NFASC: variants seen among roughly 807,000 people sequenced by gnomAD.
NFASC encodes the protein neurofascin, also known as neurofascin homolog.
In NFASC, 43 loss-of-function variants were observed where a neutral mutation model predicts 147.5. The observed-to-expected ratio is 0.29, with a 90% CI of 0.23 to 0.38. The LOEUF (loss-of-function observed/expected upper bound fraction) is 0.38. Among genes scored for constraint, NFASC ranks in the 10% least tolerant of loss-of-function variants. NFASC has a pLI of 1.00. For missense variants in NFASC, 1,320 were observed against 1,689.0 expected (o/e 0.78, Z 3.83); for synonymous variants, 622 against 665.5 (o/e 0.93, Z 1.01).
chr1:204,915,972 C>T (rs1431682096), intron 1 of NFASC, among the ~76,000 whole-genome samples: 1 of 152,178 alleles, frequency 6.6e-6, no homozygotes, highest in Admixed American at 6.5e-5. Flanking sequence ...GTTAGCAACC[C>T]CAGACACTCC....
At position 205,009,575 on chromosome 1, in the gene NFASC, C is replaced by T. The variant is rs151292398; in HGVS notation, c.3308C>T (p.Ala1103Val). ...MTSTAYTNNQ[A>V]DIATQGWFIG... ...CCGCCAGCTTACACCAACAACCAAG[C>T]GGACATCGCCACCCAGGGCTGGTTC... Residue 1103 changes from alanine to valine, a missense_variant, in exon 28 of 30, where the codon GCG becomes GTG. Transcript: ENST00000339876. 192 of 1,614,126 alleles carry T rather than the reference C, an allele frequency of 1.2e-4. No homozygotes were observed. In the African/African-American group the frequency reaches 1.3e-3, roughly 11 times the overall value.
chr1:204,950,394 C>T (rs1480878988), intron 3 of NFASC, among the ~76,000 whole-genome samples, 163 bp from the exon 4 acceptor site: 1 of 152,220 alleles, frequency 6.6e-6, no homozygotes, highest in African/African-American at 2.4e-5. Flanking sequence ...GGTTCTTGCA[C>T]TGGGCTTTGC....
chr1:204,967,115 C>G (rs889592718), intron 8 of NFASC, among the ~76,000 whole-genome samples: 1 of 152,216 alleles, frequency 6.6e-6, no homozygotes, highest in Non-Finnish European at 1.5e-5. Flanking sequence ...GCAGCTCTGC[C>G]TCCCCTCCAC....
intron 8 of NFASC, among the ~76,000 whole-genome samples, chr1:204,958,255 C>T (rs2094513419): frequency 6.6e-6 from 1 of 152,174 alleles, no homozygotes; most frequent in Non-Finnish European, 1.5e-5. Flanking sequence ...TATTTCTTCT[C>T]ATTGCTTGGT....
intron 8 of NFASC, among the ~76,000 whole-genome samples, chr1:204,959,932 G>A (rs1183090659): frequency 3.3e-5 from 5 of 152,156 alleles, no homozygotes; most frequent in South Asian, 2.1e-4. Context: ...TCCGAATGGC[G>A]AGAGACCCCC....
At chr1:204,855,371 G>A (rs2076063911) in intron 1 of NFASC, among the ~76,000 whole-genome samples, 1 of 152,172 alleles carries the variant, frequency 6.6e-6, no homozygotes, top group South Asian at 2.1e-4. Flanking sequence ...GGAGTCATTG[G>A]GGAAGGCTTT....
intron 2 of NFASC, among the ~76,000 whole-genome samples, chr1:204,926,402 ATATATTTTTTTTTTTT>A (rs1174731588): frequency 9.3e-5 from 1 of 10,730 alleles, no homozygotes; most frequent in Non-Finnish European, 3.5e-4. Flanking sequence ...ATATATATAT[ATATATTTTTTTTTTTT>A]TTTTTTTTTT....
At chr1:204,833,213 A>G (rs1342481023) in intron 1 of NFASC, among the ~76,000 whole-genome samples, 4 of 152,250 alleles carry the variant, frequency 2.6e-5, no homozygotes, top group Non-Finnish European at 5.9e-5. Context: ...AGTTCTTTCT[A>G]TGTGCTAGGC....
At chr1:204,922,433 C>T (rs1477938894) in intron 2 of NFASC, among the ~76,000 whole-genome samples, 2 of 152,168 alleles carry the variant, frequency 1.3e-5, no homozygotes, top group Non-Finnish European at 1.5e-5. Flanking sequence ...GTCTAACCAG[C>T]AAAATCGAAT....
At chr1:204,959,436 A>G (rs1176152300) in intron 8 of NFASC, among the ~76,000 whole-genome samples, 1 of 152,196 alleles carries the variant, frequency 6.6e-6, no homozygotes, top group African/African-American at 2.4e-5. Context: ...CTCAGTCCAC[A>G]TCAGGGTGAC....
At chr1:204,840,810 G>A (rs1415728972) in intron 1 of NFASC, among the ~76,000 whole-genome samples, 1 of 152,252 alleles carries the variant, frequency 6.6e-6, no homozygotes, top group Non-Finnish European at 1.5e-5. Flanking sequence ...GATTATTCCA[G>A]TGGTGGGGAG....
chr1:204,897,578 C>CT (rs764139649), intron 1 of NFASC, among the ~76,000 whole-genome samples: 1,696 of 143,538 alleles, frequency 0.012, 28 homozygotes, highest in African/African-American at 0.036. Flanking sequence ...TTTCTTTTTC[C>CT]TTTTTTTTTT....
In NFASC at chr1:204,997,352, A is replaced by G. The variant is rs1339129998; in HGVS notation, c.2965A>G (p.Thr989Ala). Residue 989 changes from threonine to alanine, a missense_variant, in exon 25 of 30, where the codon ACC (threonine) becomes GCC (alanine). Thr to Ala is a moderately conservative substitution (Grantham distance 58, BLOSUM62 0). Coordinates refer to ENST00000339876, the MANE Select transcript of NFASC (RefSeq NM_001005388.3). ...TACTACAACCACTGCTGCCGCCACC[A>G]CCACCACGGAGAGTCCTCCCACCAC... is the stretch of plus-strand genomic sequence containing the variant. ...TTTTTTAAAT[T>A]TTESPPTTTS... 1.3e-6 allele frequency: 2 copies of G among 1,557,260 alleles called. No individual in the cohort carries two copies. The highest frequency in any genetic ancestry group is 1.7e-6 in the Non-Finnish European group (2 of 1,150,404).
rs529984237 is a variant in NFASC at position 204,987,375 on chromosome 1, C to T, written c.2471-43C>T. ...TTTTGTGTTTTCCTCATCCTCCCTG[C>T]CCCCTCCCCCTCATCTCCCCTGCTC... On this transcript the variant is annotated intron_variant, in intron 21 of 29. Transcript: ENST00000339876. The surrounding 1 kb of genome is among the most constrained non-coding windows in gnomAD (Gnocchi z 4.4). The T allele has an allele frequency of 5.8e-6, 9 of 1,558,016 alleles. No homozygotes were observed. Among genetic ancestry groups the T allele is most frequent in the South Asian group, 5.6e-5 (5 of 88,954 alleles).
chr1:204,849,142 T>C (rs937839215), intron 1 of NFASC, among the ~76,000 whole-genome samples: 9 of 152,212 alleles, frequency 5.9e-5, no homozygotes, highest in African/African-American at 1.7e-4. Flanking sequence ...GTGGGAGCCC[T>C]GAATGGGAAG....
chr1:204,994,212 C>A lies in NFASC; in HGVS notation c.2782+2906C>A, dbSNP rs143434031. ...TCATCTCTTGCTCCCTCTTACTAAG[C>A]CTGAGCCAGACAGGAAGCAGCTAGG... On this transcript the variant is annotated intron_variant, in intron 24 of 29. Coordinates refer to ENST00000339876, the MANE Select transcript of NFASC (RefSeq NM_001005388.3). Among the ~76,000 whole-genome samples the A allele has an allele frequency of 1.7e-3, 252 of 152,320 alleles. 2 individuals are homozygous for A. The Middle Eastern group carries it at 0.024, about 14-fold the overall frequency.
chr1:204,884,971 T>C (rs201498624), intron 1 of NFASC, among the ~76,000 whole-genome samples: 2 of 152,166 alleles, frequency 1.3e-5, no homozygotes, highest in East Asian at 3.9e-4. Context: ...GAGAGATCCA[T>C]AAAGAAGTAG....
intron 2 of NFASC, among the ~76,000 whole-genome samples, chr1:204,926,916 A>G (rs1002477412): frequency 2.0e-5 from 3 of 152,024 alleles, no homozygotes; most frequent in Non-Finnish European, 4.4e-5. Flanking sequence ...TCTACTAAAA[A>G]TATAAAAATT....
chr1:204,877,857 G>A (rs1032159364), intron 1 of NFASC, among the ~76,000 whole-genome samples: 2 of 152,058 alleles, frequency 1.3e-5, no homozygotes, highest in Admixed American at 6.5e-5. Flanking sequence ...ACCTGCCCTC[G>A]CACCAGGACC....
Sources: allele counts gnomAD v4.1 joint callset (sites outside exome capture counted in the v4.1 genomes callset), GRCh38; gene constraint gnomAD v4.1.1; non-coding constraint Gnocchi (gnomAD v3.1); transcripts MANE v1.5; gene names NCBI Gene and HGNC (gene_info 2026-07-23, HGNC 2026-07-21).